ZFPM2: variants seen among roughly 807,000 people sequenced by gnomAD.
The protein encoded by ZFPM2 is zinc finger protein, FOG family member 2, also known as zinc finger protein ZFPM2.
Under a neutral mutation model 98.6 loss-of-function variants are expected in ZFPM2, and 20 were observed. The ratio of observed to expected loss-of-function variants is 0.20; its 90% confidence interval spans 0.14 to 0.29. The LOEUF (loss-of-function observed/expected upper bound fraction) is 0.29, where lower values mean the gene tolerates loss of function less well. ZFPM2 is among the 10% of genes least tolerant of loss of function. The probability of loss-of-function intolerance (pLI) is 1.00; values close to 1 mark genes in which losing one functional copy is unlikely to be tolerated. For synonymous variants in ZFPM2, 518 were observed against 502.7 expected, an observed-to-expected ratio of 1.03 and a Z score of -0.41; for missense variants, 1,310 against 1,388.6, an observed-to-expected ratio of 0.94 and a Z score of 0.90.
intron 5 of ZFPM2, among the ~76,000 whole-genome samples, chr8:105,732,211 G>A (rs1811957421): frequency 6.6e-6 from 1 of 151,688 alleles, no homozygotes; most frequent in African/African-American, 2.4e-5. Context: ...TCACTTAAAA[G>A]GCTTTCTAAT....
chr8:105,365,127 G>A (rs1232735815), intron 1 of ZFPM2, among the ~76,000 whole-genome samples: 1 of 152,116 alleles, frequency 6.6e-6, no homozygotes, highest in East Asian at 1.9e-4. Context: ...TTAGCAACTA[G>A]GGTATTTAGC....
chr8:105,582,688 G>A (rs1317398094), intron 4 of ZFPM2, among the ~76,000 whole-genome samples: 3 of 152,024 alleles, frequency 2.0e-5, no homozygotes, highest in African/African-American at 7.2e-5. Context: ...CCACCTCTCG[G>A]GCTCAAGCAA....
intron 4 of ZFPM2, among the ~76,000 whole-genome samples, chr8:105,586,073 G>A (rs1586480726): frequency 6.6e-6 from 1 of 151,598 alleles, no homozygotes; most frequent in African/African-American, 2.4e-5. Flanking sequence ...TAGAAGGCAG[G>A]AAATGGGGAA....
chr8:105,630,072 A>G (rs1339886562), intron 4 of ZFPM2, among the ~76,000 whole-genome samples: 6 of 152,152 alleles, frequency 3.9e-5, no homozygotes, highest in Non-Finnish European at 8.8e-5. Flanking sequence ...CACACCTTTT[A>G]TATCTGTTCT....
Position 105,388,240 on chromosome 8 carries a change from G to A in ZFPM2, c.41-30904G>A, listed in dbSNP as rs764707147. Among the ~76,000 whole-genome samples, 52 of 152,016 alleles carry A rather than the reference G, an allele frequency of 3.4e-4. 1 individual carries two copies. The highest frequency in any genetic ancestry group is 1.1e-3 in the Admixed American group (17 of 15,264). On this transcript the variant is annotated intron_variant, in intron 1 of 7. Transcript: ENST00000407775. ...ACAACTGCAGTACTGTGAAATCAGT[G>A]GCAACATAGAGATTTTCATGGGGGA... is the stretch of plus-strand genomic sequence containing the variant.
chr8:105,377,828 T>C (rs1189208429), intron 1 of ZFPM2, among the ~76,000 whole-genome samples: 1 of 152,052 alleles, frequency 6.6e-6, no homozygotes, highest in Non-Finnish European at 1.5e-5. Context: ...GATATTTGGA[T>C]ACCTTTTACA....
At chr8:105,462,338 A>G (rs1304481712) in intron 3 of ZFPM2, among the ~76,000 whole-genome samples, 3 of 152,098 alleles carry the variant, frequency 2.0e-5, no homozygotes. Flanking sequence ...GAACCCTTAA[A>G]TGGTTTACCT....
At chr8:105,361,208 A>T (rs1812853768) in intron 1 of ZFPM2, among the ~76,000 whole-genome samples, 1 of 122,108 alleles carries the variant, frequency 8.2e-6, no homozygotes, top group East Asian at 2.6e-4. Flanking sequence ...TTTGATTTGC[A>T]TTTCTCTGAT....
chr8:105,710,663 TTGTGTGTGTGTGTGTGTGTGTGTGTGTG>T (rs34170034), intron 5 of ZFPM2, among the ~76,000 whole-genome samples: 1 of 143,812 alleles, frequency 7.0e-6, no homozygotes, highest in African/African-American at 2.6e-5. Flanking sequence ...ATGCACAAAA[TTGTGTGTGTGTGTGTGTGTGTGTGTGTG>T]TGTGTGTGTG....
intron 5 of ZFPM2, among the ~76,000 whole-genome samples, chr8:105,646,891 C>A (rs546861566): frequency 1.3e-5 from 2 of 152,150 alleles, no homozygotes; most frequent in South Asian, 4.2e-4. Flanking sequence ...AGCCTGTGCC[C>A]CTGGATCTAA....
At chr8:105,644,422 ACTC>A (rs1817002852) in intron 5 of ZFPM2, among the ~76,000 whole-genome samples, 1 of 150,140 alleles carries the variant, frequency 6.7e-6, no homozygotes, top group African/African-American at 2.5e-5. Context: ...TTCTTTCTGA[ACTC>A]CTCCAACATG....
At chr8:105,781,790 C>T (rs1321806151) in intron 5 of ZFPM2, among the ~76,000 whole-genome samples, 1 of 152,138 alleles carries the variant, frequency 6.6e-6, no homozygotes, top group Non-Finnish European at 1.5e-5. Context: ...CATATTGTAG[C>T]TATGCATTTA....
chr8:105,755,438 G>T (rs1440143088), intron 5 of ZFPM2, among the ~76,000 whole-genome samples: 1 of 152,106 alleles, frequency 6.6e-6, no homozygotes, highest in Non-Finnish European at 1.5e-5. Flanking sequence ...GACCCAGTGT[G>T]TGATCATATA....
At chr8:105,591,873 A>G (rs1172499719) in intron 4 of ZFPM2, among the ~76,000 whole-genome samples, 4 of 152,220 alleles carry the variant, frequency 2.6e-5, no homozygotes, top group Non-Finnish European at 5.9e-5. Flanking sequence ...GAAGTAAAAT[A>G]TAATACCAGT....
At chr8:105,483,616 A>T (rs1321179932) in intron 3 of ZFPM2, among the ~76,000 whole-genome samples, 1 of 151,750 alleles carries the variant, frequency 6.6e-6, no homozygotes, top group Non-Finnish European at 1.5e-5. Context: ...GTTTACGTTC[A>T]GTTGATTTCT....
At chr8:105,614,410 C>T (rs1026861393) in intron 4 of ZFPM2, among the ~76,000 whole-genome samples, 2 of 152,028 alleles carry the variant, frequency 1.3e-5, no homozygotes, top group African/African-American at 4.8e-5. Flanking sequence ...TCAGTAGACA[C>T]CCCTCCCTAA....
chr8:105,341,320 G>A (rs570942712), intron 1 of ZFPM2, among the ~76,000 whole-genome samples: 3 of 151,898 alleles, frequency 2.0e-5, no homozygotes, highest in East Asian at 1.9e-4. Flanking sequence ...GGAGAACAAC[G>A]CAATTGCACT....
At chr8:105,563,708 C>T (rs1324971208) in intron 4 of ZFPM2, among the ~76,000 whole-genome samples, 1 of 152,108 alleles carries the variant, frequency 6.6e-6, no homozygotes, top group Non-Finnish European at 1.5e-5. Flanking sequence ...GAATTAAATG[C>T]TATTCTGAAC....
chr8:105,505,833 T>C (rs1248987214), intron 3 of ZFPM2, among the ~76,000 whole-genome samples: 1 of 152,150 alleles, frequency 6.6e-6, no homozygotes, highest in Non-Finnish European at 1.5e-5. Flanking sequence ...ATAAAGAAAT[T>C]TCAGTTTCAA....
Sources: allele counts gnomAD v4.1 joint callset (sites outside exome capture counted in the v4.1 genomes callset), GRCh38; gene constraint gnomAD v4.1.1; transcripts MANE v1.5; gene names NCBI Gene and HGNC (gene_info 2026-07-23, HGNC 2026-07-21).